TECRL: variants seen among roughly 807,000 people sequenced by gnomAD.
TECRL encodes trans-2,3-enoyl-CoA reductase-like.
In TECRL, 63 loss-of-function variants were observed where a neutral mutation model predicts 52.8. The observed-to-expected ratio is 1.19, with a 90% CI of 0.97 to 1.47. TECRL has a LOEUF of 1.47. Among genes scored for constraint, TECRL ranks in the 40% most tolerant of loss-of-function variants. The pLI is 0.00. For missense variants in TECRL, 482 were observed against 429.6 expected, an observed-to-expected ratio of 1.12 and a Z score of -1.08; for synonymous variants, 164 against 141.9, an observed-to-expected ratio of 1.16 and a Z score of -1.10.
chr4:64,371,253 AAATTC>A (rs1721954059), intron 2 of TECRL, among the ~76,000 whole-genome samples: 1 of 151,296 alleles, frequency 6.6e-6, no homozygotes, highest in Non-Finnish European at 1.5e-5. Context: ...TGTAAATTAT[AAATTC>A]AATTCAATAA....
At chr4:64,388,729 G>A (rs1723347733) in intron 1 of TECRL, among the ~76,000 whole-genome samples, 1 of 151,532 alleles carries the variant, frequency 6.6e-6, no homozygotes, top group African/African-American at 2.4e-5. Flanking sequence ...TCCTCATGCT[G>A]GTTATGTAAA....
At chr4:64,382,170 G>C (rs1174421453) in intron 1 of TECRL, among the ~76,000 whole-genome samples, 1 of 141,468 alleles carries the variant, frequency 7.1e-6, no homozygotes, top group Non-Finnish European at 1.5e-5. Context: ...AGTAGGTTGT[G>C]TACGTCCAGA....
chr4:64,349,138 T>G lies in TECRL; in HGVS notation c.287-20582A>C, dbSNP rs572765405. 5.6e-4 allele frequency among the ~76,000 whole-genome samples: 8 copies of G among 14,378 alleles called. No individual in the cohort carries two copies. The East Asian group carries it at 0.015, about 28-fold the overall frequency. The allele number at this position is 14,378 out of a possible 152,430, so 9.4% of individuals were successfully genotyped here. On this transcript the variant is annotated intron_variant, in intron 2 of 11. Coordinates refer to ENST00000381210, the MANE Select transcript of TECRL (RefSeq NM_001010874.5). ...GTGAAAATAATTTATAAAAAACGTT[T>G]TTTTTTTTTTTCAGATGGAGTTTCA...
intron 1 of TECRL, among the ~76,000 whole-genome samples, chr4:64,394,704 G>A (rs1723798043): frequency 6.6e-6 from 1 of 152,068 alleles, no homozygotes. Flanking sequence ...TGGTGGAGGA[G>A]AGTAAAATGG....
In TECRL at chr4:64,297,198, T is replaced by C. The variant is rs551285861; in HGVS notation, c.774+2776A>G. Among the ~76,000 whole-genome samples the C allele has an allele frequency of 3.0e-4, 46 of 151,468 alleles. No homozygotes were observed. The South Asian group carries it at 9.1e-3, about 30-fold the overall frequency. On this transcript the variant is annotated intron_variant, in intron 8 of 11. Coordinates refer to ENST00000381210, the MANE Select transcript of TECRL (RefSeq NM_001010874.5). ...AGTAGTAGAAAAAACAAGAGGGAGA[T>C]GAAAATAAATTAATAACCATTAACA... is the stretch of plus-strand genomic sequence containing the variant.
At chr4:64,393,656 T>A (rs10780049) in intron 1 of TECRL, among the ~76,000 whole-genome samples, 135,777 of 151,754 alleles carry the variant, frequency 0.89, 61,444 homozygotes, top group East Asian at 1. Flanking sequence ...TTGAGTAGTT[T>A]TACTATCTTA....
chr4:64,368,698 TTCATTGGGTGCATTTA>T (rs1408204470), intron 2 of TECRL, among the ~76,000 whole-genome samples: 1 of 152,122 alleles, frequency 6.6e-6, no homozygotes, highest in Non-Finnish European at 1.5e-5. Context: ...TGCCACTTTT[TTCATTGGGTGCATTTA>T]TCATTTTTCT....
At position 64,375,185 on chromosome 4, in the gene TECRL, CT is replaced by C; in HGVS notation, c.272del (p.Lys91SerfsTer18). 7.2e-7 allele frequency: 1 copy of C among 1,396,614 alleles called. No individual in the cohort carries two copies. The highest frequency in any genetic ancestry group is 9.5e-7 in the Non-Finnish European group (1 of 1,054,820). The allele number at this position is 1,396,614 out of a possible 1,614,324, so 86.5% of individuals were successfully genotyped here. A position where few individuals can be genotyped will look rare whatever the true frequency, so the allele number is the denominator to read the frequency against. On this transcript the variant is annotated frameshift_variant, in exon 2 of 12. Coordinates refer to ENST00000381210, the MANE Select transcript of TECRL (RefSeq NM_001010874.5). LOFTEE classifies it high-confidence loss of function. Reference protein sequence around the residue: ...QSSTIHDVKQKFHKACPKWYP... With the variant: ...QSSTIHDVKQXFHKACPKWYP... ...TATAAAACTTACATGCTTTGTGAAA[CT>C]TTTGCTTAACATCATGAATAGTAGA...
At chr4:64,305,326 C>T in intron 6 of TECRL, 88 bp from the exon 7 acceptor site, 1 of 1,178,174 alleles carries the variant, frequency 8.5e-7, no homozygotes, top group Non-Finnish European at 1.2e-6. Context: ...ACATGCATGT[C>T]ACAATTTGAA....
At chr4:64,346,666 T>C (rs1346239248) in intron 2 of TECRL, among the ~76,000 whole-genome samples, 2 of 152,164 alleles carry the variant, frequency 1.3e-5, no homozygotes, top group Non-Finnish European at 2.9e-5. Flanking sequence ...ACAGAACCAT[T>C]TTTTCCTCCT....
chr4:64,353,878 C>T (rs572273857), intron 2 of TECRL, among the ~76,000 whole-genome samples: 54 of 151,986 alleles, frequency 3.6e-4, no homozygotes, highest in South Asian at 2.1e-4. Flanking sequence ...GACCAAAAAA[C>T]GATAAAAAGC....
intron 1 of TECRL, among the ~76,000 whole-genome samples, chr4:64,386,443 A>C (rs1450129989): frequency 6.6e-6 from 1 of 152,132 alleles, no homozygotes; most frequent in Non-Finnish European, 1.5e-5. Flanking sequence ...AGGTGGAAGA[A>C]AATCCATTTA....
At chr4:64,374,083 T>TATA (rs1722200857) in intron 2 of TECRL, among the ~76,000 whole-genome samples, 4 of 112,146 alleles carry the variant, frequency 3.6e-5, no homozygotes, top group African/African-American at 1.1e-4. Flanking sequence ...ATATATATAT[T>TATA]TATCTTTTTG....
At chr4:64,293,474 G>T (rs562659619) in intron 8 of TECRL, among the ~76,000 whole-genome samples, 46 of 152,008 alleles carry the variant, frequency 3.0e-4, no homozygotes, top group African/African-American at 9.9e-4. Flanking sequence ...TCACTCTCAG[G>T]TTGAAAGACA....
chr4:64,299,261 T>C (rs1213548197), intron 8 of TECRL: 3 of 151,096 alleles, frequency 2.0e-5, no homozygotes, highest in East Asian at 3.9e-4. Context: ...TGTATTAAAA[T>C]GGTTAGAAAT....
chr4:64,378,103 T>C (rs1436768786), intron 1 of TECRL, among the ~76,000 whole-genome samples: 1 of 151,966 alleles, frequency 6.6e-6, no homozygotes, highest in Non-Finnish European at 1.5e-5. Flanking sequence ...GATATAGTGG[T>C]GTGAAAATGC....
chr4:64,291,497 T>G (rs1723386174), intron 8 of TECRL, among the ~76,000 whole-genome samples: 1 of 151,994 alleles, frequency 6.6e-6, no homozygotes, highest in African/African-American at 2.4e-5. Flanking sequence ...ATAAAATATT[T>G]ATTAAAAAGC....
Position 64,278,311 on chromosome 4 carries a change from TC to T in TECRL, c.*1760del, listed in dbSNP as rs2109915963. On this transcript the variant is annotated 3_prime_UTR_variant, in exon 12 of 12. Coordinates refer to ENST00000381210, the MANE Select transcript of TECRL (RefSeq NM_001010874.5). ...TTACACTTTTAATATAGCTATAATT[TC>T]CGCAAGAATTTGAACTAATGACATA... 1 of 161,020 alleles carries T rather than the reference TC, an allele frequency of 6.2e-6. No individual in the cohort carries two copies. The highest frequency in any genetic ancestry group is 2.4e-5 in the African/African-American group (1 of 41,660). The allele number at this position is 161,020 out of a possible 1,614,324, so 10.0% of individuals were successfully genotyped here.
chr4:64,383,968 T>TGCATGATA (rs1722995870), intron 1 of TECRL, among the ~76,000 whole-genome samples: 1 of 152,158 alleles, frequency 6.6e-6, no homozygotes, highest in East Asian at 1.9e-4. Context: ...TGCAGTATTG[T>TGCATGATA]AGTCTCTGTA....
Sources: gnomAD v4.1 joint callset for allele counts (sites outside exome capture counted in the v4.1 genomes callset) on GRCh38, gnomAD v4.1.1 for gene constraint, MANE v1.5 for transcripts, NCBI Gene and HGNC (gene_info 2026-07-23, HGNC 2026-07-21) for gene names.